The following FOXA3 variants were observed in gnomAD, a reference collection of about 807,000 sequenced individuals.
The protein encoded by FOXA3 is forkhead box A3, also known as hepatocyte nuclear factor 3-gamma.
Under a neutral mutation model 16.9 loss-of-function variants are expected in FOXA3, and 11 were observed. The observed-to-expected ratio is 0.65, with a 90% CI of 0.41 to 1.08. The LOEUF (loss-of-function observed/expected upper bound fraction) is 1.08, where lower values mean the gene tolerates loss of function less well. Ranked by LOEUF, FOXA3 falls within the 50% of genes least tolerant of loss-of-function variation. FOXA3 has a pLI of 0.00. For synonymous variants in FOXA3, 217 were observed against 203.3 expected, an observed-to-expected ratio of 1.07 and a Z score of -0.57; for missense variants, 423 against 470.1, an observed-to-expected ratio of 0.90 and a Z score of 0.93.
intron 1 of FOXA3, among the ~76,000 whole-genome samples, chr19:45,870,330 C>T (rs956857004): frequency 2.6e-5 from 4 of 151,170 alleles, no homozygotes; most frequent in Admixed American, 6.6e-5. Context: ...CCACCACACC[C>T]GGCTAATTTT....
At chr19:45,869,180 C>G (rs1037294911) in intron 1 of FOXA3, among the ~76,000 whole-genome samples, 14 of 151,886 alleles carry the variant, frequency 9.2e-5, no homozygotes, top group Non-Finnish European at 1.5e-5. Flanking sequence ...GCACCCCCAC[C>G]CCCCCCACCT....
In FOXA3 at chr19:45,872,667, A is replaced by T. The variant is rs1966920128; in HGVS notation, c.662A>T (p.Lys221Ile). The T allele has an allele frequency of 6.2e-7, 1 of 1,612,570 alleles. No individual in the cohort carries two copies. The change falls in exon 2 of 2, where the codon AAA (lysine) becomes ATA (isoleucine). Residue 221 changes from lysine to isoleucine, a missense_variant. Physicochemically the swap from Lys to Ile is moderately radical, Grantham distance 102. Around this residue, in one of 3 missense-constraint regions of FOXA3, gnomAD observed 168 missense variants for 179.3 expected, o/e 0.94. Coordinates refer to ENST00000302177, the MANE Select transcript of FOXA3 (RefSeq NM_004497.3). This position sits in a 1 kb window ranked among gnomAD's most constrained non-coding sequence, Gnocchi z 4.5. ...KRFKLEEKVKKGGSGAATTTR... is the reference protein window; with the variant it reads ...KRFKLEEKVKIGGSGAATTTR... ...TTCAAGCTGGAGGAGAAGGTGAAAA[A>T]AGGGGGCAGCGGGGCTGCCACCACC...
At chr19:45,867,438 T>TAGAC (rs1972094310) in intron 1 of FOXA3, among the ~76,000 whole-genome samples, 1 of 151,028 alleles carries the variant, frequency 6.6e-6, no homozygotes, top group Admixed American at 6.6e-5. Context: ...GATAGATAGA[T>TAGAC]AGATAGATAG....
chr19:45,870,630 C>A (rs1423234595), intron 1 of FOXA3, among the ~76,000 whole-genome samples: 1 of 145,322 alleles, frequency 6.9e-6, no homozygotes, highest in African/African-American at 2.6e-5. Flanking sequence ...TGTGCAGTGG[C>A]ATGATCTCAG....
chr19:45,871,963 A>G, intron 1 of FOXA3, 112 bp from the exon 2 acceptor site: 2 of 1,084,600 alleles, frequency 1.8e-6, no homozygotes, highest in South Asian at 1.5e-5. Context: ...GATGGAAGGG[A>G]TTTGTAGAGA....
At chr19:45,866,054 G>A (rs1972082102) in intron 1 of FOXA3, among the ~76,000 whole-genome samples, 1 of 152,076 alleles carries the variant, frequency 6.6e-6, no homozygotes, top group Non-Finnish European at 1.5e-5. Flanking sequence ...AGGAGGAGTT[G>A]ATATTTGGGG....
intron 1 of FOXA3, among the ~76,000 whole-genome samples, chr19:45,865,647 G>T (rs1372134287): frequency 6.6e-6 from 1 of 152,108 alleles, no homozygotes; most frequent in Non-Finnish European, 1.5e-5. Context: ...GACTGCGGGG[G>T]CCCCAGTGTG....
intron 1 of FOXA3, 23 bp downstream of exon 1, chr19:45,864,548 G>C (rs1304105534): frequency 6.6e-7 from 1 of 1,509,166 alleles, no homozygotes; most frequent in Admixed American, 2.1e-5. Flanking sequence ...GGATGGCGGA[G>C]CGGGAAGTTG....
chr19:45,873,164 G>T lies in FOXA3; in HGVS notation c.*106G>T. On this transcript the variant is annotated 3_prime_UTR_variant, in exon 2 of 2. Coordinates refer to ENST00000302177, the MANE Select transcript of FOXA3 (RefSeq NM_004497.3). ...TCACTTGTCCCATTGGTTAACATCT[G>T]GGTGGGTCTATTACTTACTGTGATG... 6.6e-7 allele frequency: 1 copy of T among 1,518,054 alleles called. No homozygotes were observed. The highest frequency in any genetic ancestry group is 1.2e-5 in the South Asian group (1 of 80,412). The allele number at this position is 1,518,054 out of a possible 1,614,324, so 94.0% of individuals were successfully genotyped here. A position where few individuals can be genotyped will look rare whatever the true frequency, so the allele number is the denominator to read the frequency against.
At chr19:45,868,472 C>G (rs548564216) in intron 1 of FOXA3, among the ~76,000 whole-genome samples, 1 of 151,202 alleles carries the variant, frequency 6.6e-6, no homozygotes, top group South Asian at 2.1e-4. Flanking sequence ...CCCAGCTGCT[C>G]GGGAGGCTGA....
At chr19:45,869,185 C>A (rs1321530678) in intron 1 of FOXA3, among the ~76,000 whole-genome samples, 1 of 152,158 alleles carries the variant, frequency 6.6e-6, no homozygotes, top group Non-Finnish European at 1.5e-5. Flanking sequence ...CCCACCCCCC[C>A]CACCTCAGCC....
rs1364682198 is a variant in FOXA3 at position 45,864,352 on chromosome 19, A to G, written c.-105A>G. On this transcript the variant is annotated 5_prime_UTR_variant, in exon 1 of 2. Transcript: ENST00000302177. ...GGACAGCCGTACCCCGGGCGGTCGG[A>G]CGGGCGGGCGCCGGTGGGAGCTCGG... 8 of 1,038,974 alleles carry G rather than the reference A, an allele frequency of 7.7e-6. No individual in the cohort carries two copies. Among genetic ancestry groups the G allele is most frequent in the Non-Finnish European group, 1.3e-6 (1 of 796,506 alleles). The allele number at this position is 1,038,974 out of a possible 1,614,324, so 64.4% of individuals were successfully genotyped here.
At chr19:45,871,378 C>T (rs185512260) in intron 1 of FOXA3, among the ~76,000 whole-genome samples, 1 of 152,036 alleles carries the variant, frequency 6.6e-6, no homozygotes, top group African/African-American at 2.4e-5. Flanking sequence ...AATATCAACA[C>T]CCCCTGGAAA....
In FOXA3 at chr19:45,869,149, A is replaced by T. The variant is rs562793706; in HGVS notation, c.70-2926A>T. The stretch of plus-strand genomic sequence containing the variant: ...TCCCTGTTGGTCAGGCTGGTCTCGA[A>T]CTCCCGACCTCAAGCGATCCGCACC... On this transcript the variant is annotated intron_variant, in intron 1 of 1. Transcript: ENST00000302177. 7.9e-5 allele frequency among the ~76,000 whole-genome samples: 12 copies of T among 151,110 alleles called. No individual in the cohort carries two copies. The South Asian group carries it at 2.5e-3, about 32-fold the overall frequency.
chr19:45,870,256 A>G (rs11672110), intron 1 of FOXA3, among the ~76,000 whole-genome samples: 45,509 of 146,316 alleles, frequency 0.31, 7,066 homozygotes, highest in Middle Eastern at 0.38. Flanking sequence ...TGCAAGCTCC[A>G]CCTTCCGGGT....
chr19:45,872,322 C>T lies in FOXA3; in HGVS notation c.317C>T (p.Pro106Leu), dbSNP rs368584465. Residue 106 changes from proline to leucine, a missense_variant, in exon 2 of 2, where the codon CCG becomes CTG. Physicochemically the swap from Pro to Leu is moderately conservative, Grantham distance 98 (BLOSUM62 -3). This residue lies in a region of FOXA3 where 170 missense variants were observed against 153.9 expected (regional missense o/e 1.10). Coordinates refer to ENST00000302177, the MANE Select transcript of FOXA3 (RefSeq NM_004497.3). The surrounding 1 kb of genome is among the most constrained non-coding windows in gnomAD (Gnocchi z 4.5). Reference sequence around the variant, plus strand: ...GGGCTGGTGCACGGGAAGGAGATGCCGAAGGGGTATCGGCGGCCCCTGGCA... The same window carrying T: ...GGGCTGGTGCACGGGAAGGAGATGCTGAAGGGGTATCGGCGGCCCCTGGCA... ...GPGLVHGKEM[P>L]KGYRRPLAHA... 1.2e-5 allele frequency: 20 copies of T among 1,614,036 alleles called. No homozygotes were observed. The highest frequency in any genetic ancestry group is 2.7e-5 in the African/African-American group (2 of 74,938).
At chr19:45,867,966 C>T (rs182974803) in intron 1 of FOXA3, among the ~76,000 whole-genome samples, 11 of 123,466 alleles carry the variant, frequency 8.9e-5, no homozygotes, top group East Asian at 2.5e-4. Context: ...GGAGAGGACT[C>T]GGGAGGGGTC....
chr19:45,864,585 C>A, intron 1 of FOXA3, 60 bp downstream of exon 1: 1 of 1,378,144 alleles, frequency 7.3e-7, no homozygotes, highest in Non-Finnish European at 9.7e-7. Flanking sequence ...TGTGGGCTCA[C>A]ATGGAGCAGG....
Position 45,864,512 on chromosome 19 carries a change from C to G in FOXA3, c.56C>G (p.Pro19Arg), listed in dbSNP as rs867175105. 3 of 1,547,488 alleles carry G rather than the reference C, an allele frequency of 1.9e-6. No homozygotes were observed. The East Asian group carries it at 7.5e-5, about 39-fold the overall frequency. The change falls in exon 1 of 2, where the codon CCG becomes CGG. Residue 19 changes from proline to arginine, a missense_variant. Physicochemically the swap from Pro to Arg is moderately radical, Grantham distance 103. This residue lies in a region of FOXA3 where 170 missense variants were observed against 153.9 expected (regional missense o/e 1.10). Coordinates refer to ENST00000302177, the MANE Select transcript of FOXA3 (RefSeq NM_004497.3). ...AHDLAEWSYY[P>R]EAGEVYSPVT... The stretch of plus-strand genomic sequence containing the variant: ...GACCTGGCCGAGTGGAGCTACTACC[C>G]GGAGGCGGGCGAGGTGTGTCCTCGG...
Sources: gnomAD v4.1 joint callset for allele counts (sites outside exome capture counted in the v4.1 genomes callset) on GRCh38, gnomAD v4.1.1 for gene constraint, gnomAD v4.1.1 regional missense constraint, Gnocchi (gnomAD v3.1) non-coding constraint, MANE v1.5 for transcripts, NCBI Gene and HGNC (gene_info 2026-07-23, HGNC 2026-07-21) for gene names.